The following ARHGAP45 variants were observed in gnomAD, a reference collection of about 807,000 sequenced individuals.
ARHGAP45 encodes rho GTPase-activating protein 45.
Under a neutral mutation model 116.1 loss-of-function variants are expected in ARHGAP45, and 56 were observed. The observed-to-expected ratio is 0.48, with a 90% CI of 0.39 to 0.60. The LOEUF (loss-of-function observed/expected upper bound fraction) is 0.60, where lower values mean the gene tolerates loss of function less well. Ranked by LOEUF, ARHGAP45 falls within the 20% of genes least tolerant of loss-of-function variation. ARHGAP45 has a pLI of 0.00. For synonymous variants in ARHGAP45, 866 were observed against 701.7 expected (o/e 1.23, Z -3.70); for missense variants, 1,622 against 1,601.0 (o/e 1.01, Z -0.22).
intron 11 of ARHGAP45, among the ~76,000 whole-genome samples, chr19:1,078,923 G>A (rs900184253): frequency 1.3e-5 from 2 of 150,018 alleles, no homozygotes; most frequent in African/African-American, 2.4e-5. Flanking sequence ...GCTCACGCCT[G>A]TAATCCCAGC....
rs551224518 is a variant in ARHGAP45, at chr19:1,069,767, C to T, written c.421+1023C>T. 5.3e-5 allele frequency among the ~76,000 whole-genome samples: 8 copies of T among 151,888 alleles called. No homozygotes were observed. The highest frequency in any genetic ancestry group is 1.0e-4 in the Non-Finnish European group (7 of 67,936). On this transcript the variant is annotated intron_variant, in intron 2 of 22. Transcript: ENST00000313093. This position sits in a 1 kb window ranked among gnomAD's most constrained non-coding sequence, Gnocchi z 4.1. ...GAGGCCTGGCCTGGGCGGGGCTCAG[C>T]TCCCAGGCTCCTGCAGGAGGTCTGA...
Position 1,079,883 on chromosome 19 carries a change from G to T in ARHGAP45, c.1512+43G>T, listed in dbSNP as rs373114980. On this transcript the variant is annotated intron_variant, in intron 12 of 22. Transcript: ENST00000313093. ...GCCGCCCGGGCGGGGATGGTGGACC[G>T]GGCGGCCTCCTCCTGACCCCTCCGC... 3.1e-6 allele frequency: 5 copies of T among 1,591,788 alleles called. No homozygotes were observed. The African/African-American group carries it at 5.4e-5, about 17-fold the overall frequency.
At chr19:1,080,222 A>G (rs1336196925) in intron 13 of ARHGAP45, 33 bp from the exon 14 acceptor site, 1 of 1,609,910 alleles carries the variant, frequency 6.2e-7, no homozygotes, top group South Asian at 1.1e-5. Context: ...GCCCCCCATC[A>G]CCTCCCCTCC....
At position 1,084,313 on chromosome 19, in the gene ARHGAP45, C is replaced by T. The variant is rs774137567; in HGVS notation, c.3031C>T (p.Pro1011Ser). Residue 1011 changes from proline (P) to serine (S), a missense_variant, in exon 22 of 23, where the codon CCG (proline) becomes TCG (serine). Physicochemically the swap from Pro to Ser is moderately conservative, Grantham distance 74. Around this residue, in one of 3 missense-constraint regions of ARHGAP45, gnomAD observed 1,334 missense variants for 1,263.8 expected, o/e 1.06. Coordinates refer to ENST00000313093, the MANE Select transcript of ARHGAP45 (RefSeq NM_012292.5). ...GGAGGCGGGCGAGGCGGTGGTCTAC[C>T]CGCTGCAGGAGGCGGCGGCGGACGG... is the stretch of plus-strand genomic sequence containing the variant. ...YLEAGEAVVY[P>S]LQEAAADGCR... The T allele has an allele frequency of 1.4e-5, 22 of 1,611,518 alleles. No individual in the cohort carries two copies. Among genetic ancestry groups the T allele is most frequent in the Admixed American group, 3.4e-5 (2 of 59,578 alleles).
Position 1,074,194 on chromosome 19 carries a change from A to C in ARHGAP45, c.881A>C (p.Lys294Thr). ...CTGCTGTATGCCAAGAACATGGCCAAGTACATGAAGGACCTCATCAGCTAC... is the reference window on the plus strand; with the variant it reads ...CTGCTGTATGCCAAGAACATGGCCACGTACATGAAGGACCTCATCAGCTAC... ...AALLYAKNMA[K>T]YMKDLISYLE... Residue 294 changes from lysine (K) to threonine (T), a missense_variant, in exon 7 of 23, where the codon AAG (lysine) becomes ACG (threonine). Lys to Thr is a moderately conservative substitution (Grantham distance 78). Transcript: ENST00000313093. The C allele has an allele frequency of 6.2e-7, 1 of 1,613,468 alleles. No homozygotes were observed. Among genetic ancestry groups the C allele is most frequent in the Non-Finnish European group, 8.5e-7 (1 of 1,179,994 alleles).
chr19:1,081,276 T>C, intron 17 of ARHGAP45: 1 of 658,024 alleles, frequency 1.5e-6, no homozygotes, highest in Non-Finnish European at 2.5e-6. Context: ...GGGGCAGACC[T>C]GGAGGGTGAA....
chr19:1,067,388 C>T lies in ARHGAP45; in HGVS notation c.-18C>T, dbSNP rs779305928. 1.3e-6 allele frequency: 2 copies of T among 1,547,146 alleles called. No homozygotes were observed. The highest frequency in any genetic ancestry group is 2.4e-5 in the South Asian group (2 of 82,776). On this transcript the variant is annotated 5_prime_UTR_variant, in exon 1 of 23. Coordinates refer to ENST00000313093, the MANE Select transcript of ARHGAP45 (RefSeq NM_012292.5). Reference sequence around the variant, plus strand: ...GACCCCCAGCCCGCCCCCTCGGGCTCCCGGCCGGGGCCCCATCATGTTCTC... The same window carrying T: ...GACCCCCAGCCCGCCCCCTCGGGCTTCCGGCCGGGGCCCCATCATGTTCTC...
At chr19:1,084,371 C>T in intron 22 of ARHGAP45, 25 bp downstream of exon 22, 2 of 1,574,862 alleles carry the variant, frequency 1.3e-6, no homozygotes, top group South Asian at 1.1e-5. Context: ...GCCCGAACGG[C>T]CCCAAGGGAG....
Position 1,073,010 on chromosome 19 carries a change from G to A in ARHGAP45, c.422-139G>A, listed in dbSNP as rs529358313. On this transcript the variant is annotated intron_variant, in intron 2 of 22. Transcript: ENST00000313093. ...AGTGCCCTCCCCGCGGTCTCGAAAT[G>A]AGCCCCAGGCATCTGCCGTCTTCCA... 346 of 1,043,284 alleles carry A rather than the reference G, an allele frequency of 3.3e-4. No homozygotes were observed. The African/African-American group carries it at 5.2e-3, about 16-fold the overall frequency. 64.6% of individuals were successfully genotyped at this position (1,043,284 alleles called of 1,614,324 possible). A position where few individuals can be genotyped will look rare whatever the true frequency, so the allele number is the denominator to read the frequency against.
At position 1,074,130 on chromosome 19, in the gene ARHGAP45, G is replaced by T. The variant is rs779616743; in HGVS notation, c.817G>T (p.Val273Leu). The change falls in exon 7 of 23, where the codon GTG becomes TTG. Residue 273 changes from valine to leucine, a missense_variant. Physicochemically the swap from Val to Leu is conservative, Grantham distance 32. Around this residue, in one of 3 missense-constraint regions of ARHGAP45, gnomAD observed 1,334 missense variants for 1,263.8 expected, o/e 1.06. Coordinates refer to ENST00000313093, the MANE Select transcript of ARHGAP45 (RefSeq NM_012292.5). ...CTGCCTGCCCGCCGAGGAGGTGGAC[G>T]TGCTGCTACAGCGCTGTGAGGGGGG... Reference protein sequence around the residue: ...AGCLPAEEVDVLLQRCEGGVD... With the variant: ...AGCLPAEEVDLLLQRCEGGVD... The T allele has an allele frequency of 6.2e-7, 1 of 1,613,144 alleles. No individual in the cohort carries two copies. Among genetic ancestry groups the T allele is most frequent in the South Asian group, 1.1e-5 (1 of 91,070 alleles).
In ARHGAP45 at chr19:1,067,483, G is replaced by A. The variant is rs774278792; in HGVS notation, c.78G>A (p.Pro26=). 16 of 1,601,214 alleles carry A rather than the reference G, an allele frequency of 1.0e-5. No homozygotes were observed. In the East Asian group the frequency reaches 3.2e-4, roughly 32 times the overall value. The change falls in exon 1 of 23, where the codon CCG becomes CCA. Residue 26 remains proline, a synonymous_variant. Coordinates refer to ENST00000313093, the MANE Select transcript of ARHGAP45 (RefSeq NM_012292.5). ...AGAACCGCGCGGGAAGCCCCAGCCC[G>A]CAGCCCTCGGGGGTGAGTGGAGCCC... ...SKKNRAGSPS[P]QPSGELPRKD... is the part of the protein sequence containing the mutation.
Position 1,085,862 on chromosome 19 carries a change from C to CGGG in ARHGAP45, c.3268_3269insGGG (p.Asp1089_Glu1090insGly), listed in dbSNP as rs776962771. 7.4e-4 allele frequency: 1,193 copies of CGGG among 1,612,630 alleles called. 6 individuals carry two copies. In the African/African-American group the frequency reaches 0.014, roughly 19 times the overall value. ...CAGCCCGGGAGGACGGGGACGGGGA[C>CGGG]GAGGACGGCCCGGCCCAGCAGCTCT... On this transcript the variant is annotated inframe_insertion, in exon 23 of 23. Transcript: ENST00000313093.
Position 1,073,933 on chromosome 19 carries a change from G to A in ARHGAP45, c.724-15G>A, listed in dbSNP as rs758275783. The stretch of plus-strand genomic sequence containing the variant: ...CCCGCATGGGGCTGGTCTCACCTGC[G>A]TCTCCGTCCTACAGTCCATGGAAAG... On this transcript the variant is annotated splice_polypyrimidine_tract_variant and intron_variant, in intron 5 of 22. Transcript: ENST00000313093. 5.3e-5 allele frequency: 82 copies of A among 1,549,164 alleles called. No individual in the cohort carries two copies. Among genetic ancestry groups the A allele is most frequent in the Admixed American group, 4.1e-4 (21 of 51,456 alleles).
At chr19:1,083,784 A>C (rs1256595207) in intron 21 of ARHGAP45, among the ~76,000 whole-genome samples, 2 of 152,184 alleles carry the variant, frequency 1.3e-5, no homozygotes, top group African/African-American at 4.8e-5. Context: ...CCTGCTGCCC[A>C]GGCTGAAGTG....
At position 1,073,156 on chromosome 19, in the gene ARHGAP45, T is replaced by G; in HGVS notation, c.429T>G (p.Leu143=). ...LKECVLRDDL[L]EARRPRAHEC... ...TCCGACTCTCCCCAGCAGACCTCCT[T>G]GAGGCCCGCCGCCCGCGGGCCCACG... Residue 143 remains leucine, a synonymous_variant, in exon 3 of 23, where the codon CTT becomes CTG. Transcript: ENST00000313093. 1.9e-6 allele frequency: 3 copies of G among 1,606,568 alleles called. No individual in the cohort carries two copies. The highest frequency in any genetic ancestry group is 2.5e-6 in the Non-Finnish European group (3 of 1,179,826).
chr19:1,081,001 C>T lies in ARHGAP45; in HGVS notation c.2127C>T (p.Arg709=). 6.2e-7 allele frequency: 1 copy of T among 1,608,098 alleles called. No individual in the cohort carries two copies. The highest frequency in any genetic ancestry group is 1.1e-5 in the South Asian group (1 of 90,300). Reference sequence around the variant, plus strand: ...GTACTCACCGGCTCCGGAAGCTCCGCACGCCCGCCAAGTGCCGCGAGTGCA... The same window carrying T: ...GTACTCACCGGCTCCGGAAGCTCCGTACGCCCGCCAAGTGCCGCGAGTGCA... The part of the protein sequence containing the change: ...AARTHRLRKL[R]TPAKCRECNS... The change falls in exon 17 of 23, where the codon CGC becomes CGT. Residue 709 remains arginine, a synonymous_variant. Coordinates refer to ENST00000313093, the MANE Select transcript of ARHGAP45 (RefSeq NM_012292.5).
chr19:1,084,935 AG>A (rs774913286), intron 22 of ARHGAP45, among the ~76,000 whole-genome samples: 5 of 152,198 alleles, frequency 3.3e-5, no homozygotes, highest in Non-Finnish European at 7.4e-5. Context: ...TACAAAAATT[AG>A]ACAGGTGTGG....
intron 11 of ARHGAP45, 73 bp downstream of exon 11, chr19:1,078,118 C>T (rs540783072): frequency 2.6e-5 from 39 of 1,474,910 alleles, no homozygotes; most frequent in Non-Finnish European, 3.5e-5. Flanking sequence ...CATTTACTAC[C>T]TCCAGACCTT....
chr19:1,067,246 T>TA lies in ARHGAP45; in HGVS notation c.-160_-159insA. Reference sequence around the variant, plus strand: ...CCGCCTCCCCGAAGCCTTTTCCTGTTGGGGGGAGGGCCCGCCAGTGACGGC... The same window carrying TA: ...CCGCCTCCCCGAAGCCTTTTCCTGTTAGGGGGGAGGGCCCGCCAGTGACGGC... On this transcript the variant is annotated 5_prime_UTR_variant, in exon 1 of 23. Transcript: ENST00000313093. 1.5e-6 allele frequency: 2 copies of TA among 1,376,578 alleles called. No homozygotes were observed. The highest frequency in any genetic ancestry group is 1.9e-6 in the Non-Finnish European group (2 of 1,068,256). The allele number at this position is 1,376,578 out of a possible 1,614,324, so 85.3% of individuals were successfully genotyped here.
Sources: allele counts gnomAD v4.1 joint callset (sites outside exome capture counted in the v4.1 genomes callset), GRCh38; gene constraint gnomAD v4.1.1; regional missense constraint gnomAD v4.1.1; non-coding constraint Gnocchi (gnomAD v3.1); transcripts MANE v1.5; gene names NCBI Gene and HGNC (gene_info 2026-07-23, HGNC 2026-07-21).